Variants in PCDHA7 observed in about 807,000 individuals in gnomAD.
PCDHA7 encodes the protein protocadherin alpha-7.
PCDHA7 carries 37 observed loss-of-function variants against 57.2 expected under a neutral mutation model. That is an observed-to-expected ratio of 0.65 (90% CI 0.50 to 0.85). PCDHA7 has a LOEUF of 0.85. Ranked by LOEUF, PCDHA7 falls within the 40% of genes least tolerant of loss-of-function variation. The pLI is 0.00. For synonymous variants in PCDHA7, 553 were observed against 558.8 expected, an observed-to-expected ratio of 0.99 and a Z score of 0.15; for missense variants, 1,188 against 1,241.8, an observed-to-expected ratio of 0.96 and a Z score of 0.65.
At chr5:140,944,046 G>A (rs782798105) in intron 1 of PCDHA7, among the ~76,000 whole-genome samples, 3 of 152,158 alleles carry the variant, frequency 2.0e-5, no homozygotes, top group Non-Finnish European at 4.4e-5. Context: ...AACCAGATTG[G>A]GATACAAAAA....
rs782257127 is a variant in PCDHA7, at chr5:140,870,719, C to G, written c.2355+33981C>G. On this transcript the variant is annotated intron_variant, in intron 1 of 3. Coordinates refer to ENST00000525929, the MANE Select transcript of PCDHA7 (RefSeq NM_018910.3). ...CAGTTCCAGGTGAGCGCGCGCGATG[C>G]GGGCGTGCCGCCTCTGAGCAGCAAC... 3.7e-6 allele frequency: 6 copies of G among 1,612,966 alleles called. No homozygotes were observed. In the African/African-American group the frequency reaches 4.0e-5, roughly 11 times the overall value.
At chr5:140,968,624 C>CT in intron 1 of PCDHA7, 3 of 1,614,176 alleles carry the variant, frequency 1.9e-6, no homozygotes, top group East Asian at 2.2e-5. Context: ...AAATGCTTGG[C>CT]TTTTTTACCA....
Position 140,993,289 on chromosome 5 carries a change from C to T in PCDHA7, c.2503+10726C>T, listed in dbSNP as rs148346866. Among the ~76,000 whole-genome samples the T allele has an allele frequency of 3.6e-3, 552 of 152,140 alleles. 3 individuals are homozygous for T. The highest frequency in any genetic ancestry group is 0.01 in the Middle Eastern group (3 of 294). On this transcript the variant is annotated intron_variant, in intron 3 of 3. Coordinates refer to ENST00000525929, the MANE Select transcript of PCDHA7 (RefSeq NM_018910.3). ...TCTTTGGTCTTTTCTTGCCCAGGGTCACAACCTTGCCTCCAGGATAATACC... is the reference window on the plus strand; with the variant it reads ...TCTTTGGTCTTTTCTTGCCCAGGGTTACAACCTTGCCTCCAGGATAATACC...
At chr5:140,953,227 G>A (rs269546) in intron 1 of PCDHA7, among the ~76,000 whole-genome samples, 34,007 of 151,960 alleles carry the variant, frequency 0.22, 4,902 homozygotes, top group African/African-American at 0.41. Flanking sequence ...GCTTCTGCTT[G>A]GTAGCAGTTC....
At chr5:140,904,176 C>T (rs782427504) in intron 1 of PCDHA7, among the ~76,000 whole-genome samples, 31 of 152,098 alleles carry the variant, frequency 2.0e-4, no homozygotes, top group African/African-American at 6.7e-4. Context: ...TTTTATTCCT[C>T]ACCCCCTTCC....
rs2053195452 is a variant in PCDHA7, at chr5:140,871,568, T to G, written c.2355+34830T>G. ...TTAAAATCCAGTTTTTTTTCACGGATTTTTTAAGGGAAAGTTTTATGAATA... is the reference window on the plus strand; with the variant it reads ...TTAAAATCCAGTTTTTTTTCACGGAGTTTTTAAGGGAAAGTTTTATGAATA... On this transcript the variant is annotated intron_variant, in intron 1 of 3. Coordinates refer to ENST00000525929, the MANE Select transcript of PCDHA7 (RefSeq NM_018910.3). 4.7e-6 allele frequency: 7 copies of G among 1,481,802 alleles called. No homozygotes were observed. In the East Asian group the frequency reaches 1.7e-4, roughly 37 times the overall value. The allele number at this position is 1,481,802 out of a possible 1,614,324, so 91.8% of individuals were successfully genotyped here. A position where few individuals can be genotyped will look rare whatever the true frequency, so the allele number is the denominator to read the frequency against.
intron 1 of PCDHA7, among the ~76,000 whole-genome samples, chr5:140,931,650 T>C (rs2087656696): frequency 6.6e-6 from 1 of 152,016 alleles, no homozygotes; most frequent in South Asian, 2.1e-4. Flanking sequence ...CTAATAATTG[T>C]TGTGGGCTGG....
At chr5:140,952,471 A>G (rs1324501616) in intron 1 of PCDHA7, among the ~76,000 whole-genome samples, 2 of 152,204 alleles carry the variant, frequency 1.3e-5, no homozygotes, top group African/African-American at 2.4e-5. Context: ...AAGCATAAGG[A>G]AAGTGACATT....
intron 3 of PCDHA7, among the ~76,000 whole-genome samples, chr5:140,999,763 T>C (rs1475737646): frequency 2.0e-5 from 3 of 152,200 alleles, no homozygotes; most frequent in African/African-American, 7.2e-5. Flanking sequence ...ACATGATGTC[T>C]TTATACTCTT....
At chr5:140,923,020 G>A (rs946669637) in intron 1 of PCDHA7, among the ~76,000 whole-genome samples, 6 of 152,228 alleles carry the variant, frequency 3.9e-5, no homozygotes, top group Admixed American at 1.3e-4. Context: ...CTGCAGTTTC[G>A]GACTCTATTA....
intron 1 of PCDHA7, among the ~76,000 whole-genome samples, chr5:140,896,658 T>C (rs2065683362): frequency 6.6e-6 from 1 of 152,154 alleles, no homozygotes; most frequent in African/African-American, 2.4e-5. Context: ...ATTACAGGCA[T>C]GAGTCACTGT....
At chr5:140,950,168 T>C (rs2094454639) in intron 1 of PCDHA7, among the ~76,000 whole-genome samples, 1 of 151,996 alleles carries the variant, frequency 6.6e-6, no homozygotes, top group Non-Finnish European at 1.5e-5. Context: ...TTATGTACTT[T>C]AGAGAATTAA....
At chr5:140,894,133 A>G (rs782349927) in intron 1 of PCDHA7, among the ~76,000 whole-genome samples, 14 of 152,166 alleles carry the variant, frequency 9.2e-5, no homozygotes, top group Non-Finnish European at 1.8e-4. Flanking sequence ...ATAACTTGAA[A>G]TAATTCCCTT....
chr5:140,940,502 G>A (rs182744023), intron 1 of PCDHA7, among the ~76,000 whole-genome samples: 2 of 151,906 alleles, frequency 1.3e-5, no homozygotes, highest in Admixed American at 6.5e-5. Context: ...TTGCTCCGTC[G>A]CTCAGGCGTG....
At chr5:140,967,947 C>A in intron 1 of PCDHA7, 1 of 1,614,222 alleles carries the variant, frequency 6.2e-7, no homozygotes, top group Non-Finnish European at 8.5e-7. Flanking sequence ...GACCAAGACT[C>A]AGGCCCCAAC....
At position 140,877,725 on chromosome 5, in the gene PCDHA7, G is replaced by T. The variant is rs570815670; in HGVS notation, c.2355+40987G>T. On this transcript the variant is annotated intron_variant, in intron 1 of 3. Coordinates refer to ENST00000525929, the MANE Select transcript of PCDHA7 (RefSeq NM_018910.3). Reference sequence around the variant, plus strand: ...GCGCCGTGGGGAGTTGGTCTTACTCGCAGCAGAGGAGGCAGAGGGTGTGCT... The same window carrying T: ...GCGCCGTGGGGAGTTGGTCTTACTCTCAGCAGAGGAGGCAGAGGGTGTGCT... 5.6e-6 allele frequency: 9 copies of T among 1,614,124 alleles called. No individual in the cohort carries two copies. The South Asian group carries it at 8.8e-5, about 16-fold the overall frequency.
intron 2 of PCDHA7, chr5:140,982,197 A>G: frequency 1.5e-5 from 6 of 389,618 alleles, no homozygotes; most frequent in Non-Finnish European, 2.1e-5. Flanking sequence ...TTCCTGTTAG[A>G]TTTAGTGAGC....
intron 1 of PCDHA7, chr5:140,929,002 T>C (rs1584608620): frequency 6.2e-7 from 1 of 1,614,048 alleles, no homozygotes; most frequent in Non-Finnish European, 8.5e-7. Flanking sequence ...TTTCTTCGTG[T>C]GTACCAAGTT....
intron 1 of PCDHA7, chr5:140,849,676 C>G (rs2150444871): frequency 1.3e-6 from 2 of 1,598,588 alleles, no homozygotes; most frequent in African/African-American, 2.7e-5. Context: ...CCCCACGTCC[C>G]CTTCAAGCTG....
Sources: allele counts gnomAD v4.1 joint callset (sites outside exome capture counted in the v4.1 genomes callset), GRCh38; gene constraint gnomAD v4.1.1; transcripts MANE v1.5; gene names NCBI Gene and HGNC (gene_info 2026-07-23, HGNC 2026-07-21).